The following ABCA3 variants were observed in gnomAD, a reference collection of about 807,000 sequenced individuals.
The protein encoded by ABCA3 is ATP binding cassette subfamily A member 3, also known as phospholipid-transporting ATPase ABCA3.
ABCA3 carries 88 observed loss-of-function variants against 172.8 expected under a neutral mutation model. The observed-to-expected ratio is 0.51, with a 90% CI of 0.43 to 0.61. ABCA3 has a LOEUF of 0.61. ABCA3 is among the 20% of genes least tolerant of loss of function. The probability of loss-of-function intolerance (pLI) is 0.00; values close to 1 mark genes in which losing one functional copy is unlikely to be tolerated. For synonymous variants in ABCA3, 1,066 were observed against 983.8 expected (o/e 1.08, Z -1.56); for missense variants, 2,164 against 2,301.0 (o/e 0.94, Z 1.22).
chr16:2,289,395 C>G, intron 20 of ABCA3, 39 bp downstream of exon 20: 1 of 1,549,450 alleles, frequency 6.5e-7, no homozygotes, highest in Non-Finnish European at 8.7e-7. Context: ...GGGCTGCTCG[C>G]CCTTCCCCCG....
In ABCA3 at chr16:2,328,682, C is replaced by T; in HGVS notation, c.-256G>A. 2.6e-6 allele frequency: 1 copy of T among 388,802 alleles called. No homozygotes were observed. Among genetic ancestry groups the T allele is most frequent in the Non-Finnish European group, 5.2e-6 (1 of 192,118 alleles). The allele number at this position is 388,802 out of a possible 1,614,324, so 24.1% of individuals were successfully genotyped here. On this transcript the variant is annotated 5_prime_UTR_variant, in exon 3 of 33. Transcript: ENST00000301732. ...GAGAGGAGTCCTTCCCGCTCAGCGT[C>T]CTTCATGTGCGGAAAAGCCTCCTTG...
At position 2,283,945 on chromosome 16, in the gene ABCA3, G is replaced by C; in HGVS notation, c.3862+334C>G. ...GGGAGTAGGTGCAGCCAGGAGCTCA[G>C]GATGCCTGGAGCCTCCAGGAGATGG... On this transcript the variant is annotated intron_variant, in intron 25 of 32. Transcript: ENST00000301732. The surrounding 1 kb of genome is among the most constrained non-coding windows in gnomAD (Gnocchi z 5.4). 3.4e-6 allele frequency: 1 copy of C among 290,810 alleles called. No homozygotes were observed. Among genetic ancestry groups the C allele is most frequent in the Non-Finnish European group, 6.6e-6 (1 of 152,062 alleles). 18.0% of individuals were successfully genotyped at this position (290,810 alleles called of 1,614,324 possible).
At chr16:2,319,008 T>G (rs758252888) in intron 8 of ABCA3, among the ~76,000 whole-genome samples, 2 of 152,012 alleles carry the variant, frequency 1.3e-5, no homozygotes, top group Non-Finnish European at 2.9e-5. Flanking sequence ...CCCTCAATGC[T>G]GCATAGTTTT....
At position 2,338,749 on chromosome 16, in the gene ABCA3, AT is replaced by A. The variant is rs1299527697; in HGVS notation, c.-539+1823del. 2.2e-5 allele frequency among the ~76,000 whole-genome samples: 3 copies of A among 133,554 alleles called. No individual in the cohort carries two copies. In the East Asian group the frequency reaches 6.1e-4, roughly 27 times the overall value. The allele number at this position is 133,554 out of a possible 152,430, so 87.6% of individuals were successfully genotyped here. ...CAAGAGCAGGGACTGTGTCCAATTC[AT>A]CTTTTTTTTTTTTTTTTTTTTTGAG... is the stretch of plus-strand genomic sequence containing the variant. On this transcript the variant is annotated intron_variant, in intron 1 of 32. Coordinates refer to ENST00000301732, the MANE Select transcript of ABCA3 (RefSeq NM_001089.3).
chr16:2,323,466 G>T, intron 7 of ABCA3, 57 bp downstream of exon 7: 2 of 1,607,584 alleles, frequency 1.2e-6, no homozygotes, highest in South Asian at 1.1e-5. Flanking sequence ...GCCCCCATAT[G>T]ACTGTCACTA....
At chr16:2,303,929 C>CA (rs1396796059) in intron 12 of ABCA3, 40 bp downstream of exon 12, 17 of 1,612,802 alleles carry the variant, frequency 1.1e-5, no homozygotes, top group African/African-American at 1.3e-5. Context: ...CCTCTGCACT[C>CA]AGAGAGGCGG....
intron 18 of ABCA3, among the ~76,000 whole-genome samples, chr16:2,293,925 G>C (rs1457826117): frequency 2.6e-5 from 4 of 152,038 alleles, no homozygotes; most frequent in South Asian, 2.1e-4. Context: ...CTTGGCTTCT[G>C]AAAGTGTTGG....
chr16:2,285,064 G>A lies in ABCA3; in HGVS notation c.3484-66C>T. 1 of 1,534,432 alleles carries A rather than the reference G, an allele frequency of 6.5e-7. No homozygotes were observed. Among genetic ancestry groups the A allele is most frequent in the Non-Finnish European group, 8.9e-7 (1 of 1,129,688 alleles). Reference sequence around the variant, plus strand: ...GAGAGGAGCTCACGGGTAGGGAAGGGGTGAGAGGAGCATTTGGAGGTCCTC... The same window carrying A: ...GAGAGGAGCTCACGGGTAGGGAAGGAGTGAGAGGAGCATTTGGAGGTCCTC... On this transcript the variant is annotated intron_variant, in intron 23 of 32. Transcript: ENST00000301732. This position sits in a 1 kb window ranked among gnomAD's most constrained non-coding sequence, Gnocchi z 4.7.
Position 2,276,245 on chromosome 16 carries a change from C to A in ABCA3, c.*429G>T, listed in dbSNP as rs1171876591. ...TCCTGGCGGCCTGGGGGCCTCGCTA[C>A]AGTTCAACCTGGCTGGCTTCCCGCT... On this transcript the variant is annotated 3_prime_UTR_variant, in exon 33 of 33. Transcript: ENST00000301732. 6.6e-6 allele frequency: 3 copies of A among 453,938 alleles called. No individual in the cohort carries two copies. In the East Asian group the frequency reaches 2.1e-4, roughly 31 times the overall value. The allele number at this position is 453,938 out of a possible 1,614,324, so 28.1% of individuals were successfully genotyped here.
In ABCA3 at chr16:2,276,608, G is replaced by A; in HGVS notation, c.*66C>T. The stretch of plus-strand genomic sequence containing the variant: ...AAAGGATGAGATAAACTTGGAGAGA[G>A]AGGATGTAAGATGGGCCCTGCTTGC... On this transcript the variant is annotated 3_prime_UTR_variant, in exon 33 of 33. Coordinates refer to ENST00000301732, the MANE Select transcript of ABCA3 (RefSeq NM_001089.3). The A allele has an allele frequency of 2.5e-6, 4 of 1,596,026 alleles. No individual in the cohort carries two copies. In the African/African-American group the frequency reaches 4.0e-5, roughly 16 times the overall value.
At chr16:2,294,522 C>CA (rs925618872) in intron 18 of ABCA3, among the ~76,000 whole-genome samples, 9 of 151,190 alleles carry the variant, frequency 6.0e-5, no homozygotes, top group South Asian at 4.2e-4. Flanking sequence ...CCCATCTCTA[C>CA]AAAAAAAATA....
Position 2,285,407 on chromosome 16 carries a change from G to C in ABCA3, c.3483+35C>G. On this transcript the variant is annotated intron_variant, in intron 23 of 32. Coordinates refer to ENST00000301732, the MANE Select transcript of ABCA3 (RefSeq NM_001089.3). This position sits in a 1 kb window ranked among gnomAD's most constrained non-coding sequence, Gnocchi z 4.7. ...TCCCAGGGCAAGCCCTCTGCGGTCT[G>C]CAGGGGAACGGATCCAGCACCCTCC... 1 of 1,578,368 alleles carries C rather than the reference G, an allele frequency of 6.3e-7. No individual in the cohort carries two copies. Among genetic ancestry groups the C allele is most frequent in the East Asian group, 2.3e-5 (1 of 43,282 alleles).
At chr16:2,296,421 G>A (rs1234276359) in intron 17 of ABCA3, among the ~76,000 whole-genome samples, 5 of 152,202 alleles carry the variant, frequency 3.3e-5, no homozygotes, top group African/African-American at 4.8e-5. Flanking sequence ...TTTTAGTAGA[G>A]ACAGAGTTTT....
intron 20 of ABCA3, 83 bp from the exon 21 acceptor site, chr16:2,288,412 CTG>C: frequency 6.9e-7 from 1 of 1,450,642 alleles, no homozygotes; most frequent in Non-Finnish European, 9.2e-7. Flanking sequence ...AGGTGCTGTT[CTG>C]TGTGACGCCA....
chr16:2,309,097 C>A (rs1487253392), intron 10 of ABCA3, among the ~76,000 whole-genome samples: 1 of 152,202 alleles, frequency 6.6e-6, no homozygotes. Context: ...AGGTGCCCGC[C>A]ACCACGCCCG....
intron 1 of ABCA3, among the ~76,000 whole-genome samples, chr16:2,340,316 G>A (rs1345061982): frequency 6.6e-6 from 1 of 152,034 alleles, no homozygotes; most frequent in African/African-American, 2.4e-5. Flanking sequence ...TGCGGGACAC[G>A]CCCAAGGCTC....
rs886051819 is a variant in ABCA3, at chr16:2,295,688, G to A, written c.2316C>T (p.Asp772=). ...LVKEPHCNPE[D]ISQLVHHHVP... ...CGTGGTGGTGGACCAGCTGGGAGAT[G>A]TCTTCCGGGTTGCAGTGCGGCTCCT... Residue 772 remains aspartate, a synonymous_variant, in exon 18 of 33, where the codon GAC becomes GAT. Coordinates refer to ENST00000301732, the MANE Select transcript of ABCA3 (RefSeq NM_001089.3). 6.2e-7 allele frequency: 1 copy of A among 1,614,084 alleles called. No homozygotes were observed. Among genetic ancestry groups the A allele is most frequent in the Non-Finnish European group, 8.5e-7 (1 of 1,180,042 alleles).
chr16:2,312,288 G>C (rs565440055), intron 10 of ABCA3, among the ~76,000 whole-genome samples: 3 of 152,220 alleles, frequency 2.0e-5, no homozygotes, highest in Admixed American at 6.5e-5. Context: ...CTATAGTCTA[G>C]TGGTTGCTCC....
rs570746415 is a variant in ABCA3 at position 2,287,867 on chromosome 16, T to A, written c.3004+159A>T. 6.6e-6 allele frequency among the ~76,000 whole-genome samples: 1 copy of A among 152,168 alleles called. No homozygotes were observed. Among genetic ancestry groups the A allele is most frequent in the East Asian group, 1.9e-4 (1 of 5,168 alleles). ...GGCATGTTTGATGGTCATGATGGGG[T>A]GGGGCAAGGTCAGGGATGCTGCTGA... On this transcript the variant is annotated intron_variant, in intron 21 of 32. Coordinates refer to ENST00000301732, the MANE Select transcript of ABCA3 (RefSeq NM_001089.3). The surrounding 1 kb of genome is among the most constrained non-coding windows in gnomAD (Gnocchi z 4.1).
Sources: gnomAD v4.1 joint callset for allele counts (sites outside exome capture counted in the v4.1 genomes callset) on GRCh38, gnomAD v4.1.1 for gene constraint, Gnocchi (gnomAD v3.1) non-coding constraint, MANE v1.5 for transcripts, NCBI Gene and HGNC (gene_info 2026-07-23, HGNC 2026-07-21) for gene names.